HIP1: variants seen among roughly 807,000 people sequenced by gnomAD.
HIP1 encodes the protein huntingtin-interacting protein 1.
Under a neutral mutation model 147.6 loss-of-function variants are expected in HIP1, and 65 were observed. The ratio of observed to expected loss-of-function variants is 0.44; its 90% confidence interval spans 0.36 to 0.54. The LOEUF is 0.54. HIP1 is among the 20% of genes least tolerant of loss of function. The probability of loss-of-function intolerance (pLI) is 0.00; values close to 1 mark genes in which losing one functional copy is unlikely to be tolerated. For missense variants in HIP1, 1,061 were observed against 1,299.6 expected, an observed-to-expected ratio of 0.82 and a Z score of 2.82; for synonymous variants, 479 against 504.0, an observed-to-expected ratio of 0.95 and a Z score of 0.67.
rs370157993 is a variant in HIP1, at chr7:75,738,780, C to G, written c.120+21G>C. Reference sequence around the variant, plus strand: ...GTCCCTCAGGGTGCCCCAGGGATGCCCCGGGGTCCCCCGTCCTCACCTGAG... The same window carrying G: ...GTCCCTCAGGGTGCCCCAGGGATGCGCCGGGGTCCCCCGTCCTCACCTGAG... On this transcript the variant is annotated intron_variant, in intron 1 of 30. Transcript: ENST00000336926. 4.9e-5 allele frequency: 78 copies of G among 1,597,354 alleles called. No homozygotes were observed. The African/African-American group carries it at 1.0e-3, about 21-fold the overall frequency.
intron 1 of HIP1, among the ~76,000 whole-genome samples, chr7:75,705,664 C>T (rs1422160294): frequency 6.6e-6 from 1 of 151,918 alleles, no homozygotes; most frequent in Non-Finnish European, 1.5e-5. Flanking sequence ...CAGATCTCTA[C>T]CTTTTTAAGA....
intron 1 of HIP1, among the ~76,000 whole-genome samples, chr7:75,634,941 G>GAAAAAAAAAA (rs58461422): frequency 8.0e-5 from 5 of 62,578 alleles, no homozygotes; most frequent in Non-Finnish European, 1.2e-4. Flanking sequence ...CACTATCTCT[G>GAAAAAAAAAA]AAAAAAAAAA....
chr7:75,714,400 A>G (rs1199890122), intron 1 of HIP1, among the ~76,000 whole-genome samples: 1 of 151,706 alleles, frequency 6.6e-6, no homozygotes, highest in African/African-American at 2.4e-5. Flanking sequence ...AGTAGTGCAG[A>G]GTTCCCAGAC....
chr7:75,575,031 G>A (rs1267363204), intron 7 of HIP1, among the ~76,000 whole-genome samples: 1 of 152,092 alleles, frequency 6.6e-6, no homozygotes, highest in African/African-American at 2.4e-5. Context: ...GATGGCTCAC[G>A]CCTGTAATCC....
At chr7:75,715,456 CACAGAGAGAGAG>C (rs1341195804) in intron 1 of HIP1, among the ~76,000 whole-genome samples, 4 of 143,486 alleles carry the variant, frequency 2.8e-5, no homozygotes, top group South Asian at 2.2e-4. Flanking sequence ...GAGAGACACA[CACAGAGAGAGAG>C]AGAGAGAGAG....
chr7:75,675,193 A>G (rs115213824), intron 1 of HIP1, among the ~76,000 whole-genome samples: 1 of 151,602 alleles, frequency 6.6e-6, no homozygotes, highest in Non-Finnish European at 1.5e-5. Flanking sequence ...ATCTTCTCAA[A>G]TCTGATACTG....
intron 8 of HIP1, among the ~76,000 whole-genome samples, chr7:75,571,767 C>T (rs1770046258): frequency 6.6e-6 from 1 of 151,832 alleles, no homozygotes; most frequent in African/African-American, 2.4e-5. Flanking sequence ...ATTTTTTGTA[C>T]AGACAGGGAT....
chr7:75,684,033 C>T (rs1800177666), intron 1 of HIP1, among the ~76,000 whole-genome samples: 1 of 152,190 alleles, frequency 6.6e-6, no homozygotes, highest in Middle Eastern at 3.4e-3. Context: ...CATCCCAGCA[C>T]TTTGGGAGGC....
intron 7 of HIP1, among the ~76,000 whole-genome samples, chr7:75,579,930 G>A (rs1414793574): frequency 5.3e-5 from 8 of 152,158 alleles, no homozygotes; most frequent in African/African-American, 1.9e-4. Context: ...GTCTCAGAAC[G>A]CTGGTGCTTA....
At chr7:75,671,603 T>C (rs1356308892) in intron 1 of HIP1, among the ~76,000 whole-genome samples, 3 of 152,154 alleles carry the variant, frequency 2.0e-5, no homozygotes, top group Admixed American at 6.6e-5. Context: ...CTGGATCATA[T>C]GGTGATTCTA....
At chr7:75,668,045 A>G (rs1471082216) in intron 1 of HIP1, among the ~76,000 whole-genome samples, 3 of 152,234 alleles carry the variant, frequency 2.0e-5, no homozygotes, top group Admixed American at 6.5e-5. Flanking sequence ...AGGTGACACC[A>G]TCCCTGGATT....
intron 22 of HIP1, 58 bp downstream of exon 22, chr7:75,553,395 C>A: frequency 1.3e-6 from 2 of 1,581,602 alleles, no homozygotes; most frequent in Non-Finnish European, 8.6e-7. Context: ...CCTGGCCATT[C>A]ACCAGCACGC....
chr7:75,631,952 G>A (rs1798236855), intron 1 of HIP1, among the ~76,000 whole-genome samples: 1 of 152,066 alleles, frequency 6.6e-6, no homozygotes, highest in African/African-American at 2.4e-5. Flanking sequence ...ATAGTGTGAT[G>A]GGGGCAGAAA....
chr7:75,693,919 CTTT>C (rs10628011), intron 1 of HIP1, among the ~76,000 whole-genome samples: 2 of 114,874 alleles, frequency 1.7e-5, no homozygotes, highest in Non-Finnish European at 3.4e-5. Flanking sequence ...ATTCTCTTTT[CTTT>C]TTTTTTTTTT....
At chr7:75,633,570 G>A (rs1554509233) in intron 1 of HIP1, among the ~76,000 whole-genome samples, 1 of 152,170 alleles carries the variant, frequency 6.6e-6, no homozygotes, top group Non-Finnish European at 1.5e-5. Flanking sequence ...GGGATTACAA[G>A]CGTGAGCCAC....
Position 75,554,954 on chromosome 7 carries a change from C to T in HIP1, c.1964-428G>A, listed in dbSNP as rs375411858. ...GGCATGGTGGCTCATGCCTGTAATC[C>T]CAGCACTTTGGGAGGCCAAGGTGGG... On this transcript the variant is annotated intron_variant, in intron 19 of 30. Transcript: ENST00000336926. Among the ~76,000 whole-genome samples, 7 of 151,892 alleles carry T rather than the reference C, an allele frequency of 4.6e-5. No individual in the cohort carries two copies. In the South Asian group the frequency reaches 8.3e-4, roughly 18 times the overall value.
At chr7:75,611,221 C>T (rs1554504838) in intron 1 of HIP1, among the ~76,000 whole-genome samples, 1 of 151,860 alleles carries the variant, frequency 6.6e-6, no homozygotes, top group Non-Finnish European at 1.5e-5. Context: ...AATCTCAGCA[C>T]TTTGGGAGGC....
Position 75,556,784 on chromosome 7 carries a change from T to C in HIP1, c.1609A>G (p.Ser537Gly). 1.2e-6 allele frequency: 2 copies of C among 1,612,930 alleles called. No homozygotes were observed. The highest frequency in any genetic ancestry group is 1.7e-6 in the Non-Finnish European group (2 of 1,179,056). Reference protein sequence around the residue: ...KTQEQLEVLESLKQELATSQR... With the variant: ...KTQEQLEVLEGLKQELATSQR... ...CTTGTGGCAAGTTCCTGCTTCAAGC[T>C]CTCTAGAACTTCCAGCTGTTCTTGA... is the stretch of plus-strand genomic sequence containing the variant. Residue 537 changes from serine to glycine, a missense_variant, in exon 17 of 31, where the codon AGC (serine) becomes GGC (glycine). Coordinates refer to ENST00000336926, the MANE Select transcript of HIP1 (RefSeq NM_005338.7).
rs192035425 is a variant in HIP1, at chr7:75,575,931, C to T, written c.605-2030G>A. ...TGGCAGCTGAAAAAAAAAAAAATCC[C>T]GAACTGTTCTAATTAAAAGGCAGCT... On this transcript the variant is annotated intron_variant, in intron 7 of 30. Coordinates refer to ENST00000336926, the MANE Select transcript of HIP1 (RefSeq NM_005338.7). 1.7e-4 allele frequency among the ~76,000 whole-genome samples: 26 copies of T among 152,186 alleles called. No individual in the cohort carries two copies. In the East Asian group the frequency reaches 4.4e-3, roughly 26 times the overall value.
Sources: gnomAD v4.1 joint callset for allele counts (sites outside exome capture counted in the v4.1 genomes callset) on GRCh38, gnomAD v4.1.1 for gene constraint, MANE v1.5 for transcripts, NCBI Gene and HGNC (gene_info 2026-07-23, HGNC 2026-07-21) for gene names.